The following KIAA0586 variants were observed in gnomAD, a reference collection of about 807,000 sequenced individuals.
KIAA0586 encodes the protein KIAA0586.
A neutral mutation model predicts 169.8 loss-of-function variants in KIAA0586; 144 were observed. The ratio of observed to expected loss-of-function variants is 0.85; its 90% confidence interval spans 0.74 to 0.97. KIAA0586 has a LOEUF of 0.97. KIAA0586 is among the 50% of genes least tolerant of loss of function. KIAA0586 has a pLI of 0.00. For synonymous variants in KIAA0586, 625 were observed against 612.4 expected, an observed-to-expected ratio of 1.02 and a Z score of -0.30; for missense variants, 1,854 against 1,823.0, an observed-to-expected ratio of 1.02 and a Z score of -0.31.
At chr14:58,543,959 A>G (rs1329822620) in intron 30 of KIAA0586, 1 of 455,754 alleles carries the variant, frequency 2.2e-6, no homozygotes, top group Admixed American at 2.4e-5. Flanking sequence ...AGATTATTTC[A>G]TCACCCAGGT....
chr14:58,556,951 G>C, the KIAA0586 span, among the ~76,000 whole-genome samples: 1 of 152,078 alleles, frequency 6.6e-6, no homozygotes, highest in African/African-American at 2.4e-5. Context: ...CTCCCTGTTG[G>C]TCAGGCTGGT....
chr14:58,508,777 A>G (rs1008334921), intron 28 of KIAA0586, 68 bp downstream of exon 28: 16 of 1,282,976 alleles, frequency 1.2e-5, no homozygotes, highest in Non-Finnish European at 1.6e-5. Flanking sequence ...TTAGCGTGGT[A>G]CCCCGTCAAG....
At chr14:58,465,279 C>A (rs2040659649) in intron 14 of KIAA0586, among the ~76,000 whole-genome samples, 1 of 151,962 alleles carries the variant, frequency 6.6e-6, no homozygotes, top group African/African-American at 2.4e-5. Context: ...AAAGATAAAG[C>A]TGGTTATTCA....
chr14:58,473,779 G>A (rs1216622447), intron 18 of KIAA0586, among the ~76,000 whole-genome samples: 2 of 152,046 alleles, frequency 1.3e-5, no homozygotes, highest in African/African-American at 2.4e-5. Flanking sequence ...AGTGGTGGGC[G>A]CCTGTAATGC....
intron 29 of KIAA0586, among the ~76,000 whole-genome samples, chr14:58,517,122 A>G (rs1490656908): frequency 6.6e-6 from 1 of 152,212 alleles, no homozygotes; most frequent in African/African-American, 2.4e-5. Context: ...AACTAATGAT[A>G]ATTGGACTTA....
chr14:58,505,637 T>C (rs2043886040), intron 27 of KIAA0586, among the ~76,000 whole-genome samples: 1 of 152,188 alleles, frequency 6.6e-6, no homozygotes, highest in Non-Finnish European at 1.5e-5. Flanking sequence ...TGATTAGTTT[T>C]TTTACATACC....
intron 29 of KIAA0586, among the ~76,000 whole-genome samples, chr14:58,526,427 G>A (rs1488176791): frequency 3.9e-5 from 6 of 152,216 alleles, no homozygotes; most frequent in Admixed American, 2.0e-4. Flanking sequence ...AGGGTCTAGA[G>A]TGGACCTCTA....
chr14:58,462,971 G>A (rs2040451469), intron 14 of KIAA0586, among the ~76,000 whole-genome samples: 1 of 152,134 alleles, frequency 6.6e-6, no homozygotes, highest in South Asian at 2.1e-4. Flanking sequence ...TCTCCCACCA[G>A]GTCTCTCCCG....
At chr14:58,541,220 A>T (rs2046619098) in intron 30 of KIAA0586, among the ~76,000 whole-genome samples, 1 of 152,246 alleles carries the variant, frequency 6.6e-6, no homozygotes. Context: ...CAGTCATTTC[A>T]AGGTCCACTG....
At chr14:58,558,814 G>T in the KIAA0586 span, among the ~76,000 whole-genome samples, 27 of 152,306 alleles carry the variant, frequency 1.8e-4, no homozygotes, top group Non-Finnish European at 3.5e-4. Context: ...TCTGAGCATT[G>T]CAAGGACCGG....
At chr14:58,490,310 T>A in intron 25 of KIAA0586, 70 bp downstream of exon 25, 1 of 823,070 alleles carries the variant, frequency 1.2e-6, no homozygotes, top group South Asian at 1.9e-5. Flanking sequence ...TTGCCACTGA[T>A]CAGGTTTTTT....
intron 30 of KIAA0586, among the ~76,000 whole-genome samples, chr14:58,540,820 T>G (rs1474136079): frequency 1.3e-5 from 2 of 152,204 alleles, no homozygotes; most frequent in African/African-American, 4.8e-5. Flanking sequence ...AAATAAAATA[T>G]TGCATACTAT....
intron 20 of KIAA0586, 53 bp downstream of exon 20, chr14:58,477,294 T>G: frequency 1.1e-6 from 1 of 926,858 alleles, no homozygotes. Flanking sequence ...AAGCTTTAGT[T>G]CATCGTGGAT....
Position 58,547,935 on chromosome 14 carries a change from G to C in KIAA0586, c.*3G>C. 6.2e-7 allele frequency: 1 copy of C among 1,613,222 alleles called. No homozygotes were observed. Among genetic ancestry groups the C allele is most frequent in the Non-Finnish European group, 8.5e-7 (1 of 1,179,494 alleles). ...CTTCGGGGGCAGATACCTTCTGAAC[G>C]GGAAGAGACAGCCAGCACAGTGTTT... is the stretch of plus-strand genomic sequence containing the variant. On this transcript the variant is annotated 3_prime_UTR_variant, in exon 31 of 31. Coordinates refer to ENST00000652326, the MANE Select transcript of KIAA0586 (RefSeq NM_001329943.3).
chr14:58,490,979 A>G (rs1253154483), intron 25 of KIAA0586, among the ~76,000 whole-genome samples: 2 of 152,158 alleles, frequency 1.3e-5, no homozygotes, highest in African/African-American at 4.8e-5. Flanking sequence ...GATTTTAATG[A>G]AACAATTTTT....
intron 27 of KIAA0586, among the ~76,000 whole-genome samples, chr14:58,507,139 A>T (rs2044015394): frequency 7.5e-6 from 1 of 134,026 alleles, no homozygotes; most frequent in South Asian, 2.4e-4. Flanking sequence ...CAGGAGTGAG[A>T]CTCTGTCTTT....
chr14:58,465,699 A>G (rs2140937523), intron 14 of KIAA0586, 136 bp from the exon 15 acceptor site: 1 of 560,834 alleles, frequency 1.8e-6, no homozygotes, highest in Non-Finnish European at 3.1e-6. Context: ...TGGTCTATAT[A>G]TTACTTCTGT....
At chr14:58,543,001 G>T (rs192185599) in intron 30 of KIAA0586, among the ~76,000 whole-genome samples, 2 of 151,782 alleles carry the variant, frequency 1.3e-5, no homozygotes, top group African/African-American at 4.8e-5. Flanking sequence ...GGTGGCGGGC[G>T]CCTTTAGTCC....
In KIAA0586 at chr14:58,432,428, A is replaced by G. The variant is rs997426539; in HGVS notation, c.381A>G (p.Lys127=). 1 of 1,568,848 alleles carries G rather than the reference A, an allele frequency of 6.4e-7. No individual in the cohort carries two copies. Among genetic ancestry groups the G allele is most frequent in the Non-Finnish European group, 8.6e-7 (1 of 1,157,732 alleles). ...TTTCTCAGTATACAATGGGACAGAA[A>G]GATGCTCTAAGAACAGTTTTAAAGC... The part of the protein sequence containing the change: ...IFISQYTMGQ[K]DALRTVLKQK... The change falls in exon 4 of 31, where the codon AAA becomes AAG. Residue 127 remains lysine, a synonymous_variant. Transcript: ENST00000652326.
Sources: gnomAD v4.1 joint callset for allele counts (sites outside exome capture counted in the v4.1 genomes callset) on GRCh38, gnomAD v4.1.1 for gene constraint, MANE v1.5 for transcripts, NCBI Gene and HGNC (gene_info 2026-07-23, HGNC 2026-07-21) for gene names.